ACSM2B: variants seen among roughly 807,000 people sequenced by gnomAD.
The protein encoded by ACSM2B is acyl-CoA synthetase medium chain family member 2B, also known as acyl-coenzyme A synthetase ACSM2B, mitochondrial.
In ACSM2B, 58 loss-of-function variants were observed where a neutral mutation model predicts 78.6. The observed-to-expected ratio is 0.74, with a 90% CI of 0.60 to 0.92. ACSM2B has a LOEUF of 0.92. Ranked by LOEUF, ACSM2B falls within the 40% of genes least tolerant of loss-of-function variation. The pLI is 0.00. For synonymous variants in ACSM2B, 257 were observed against 256.8 expected (o/e 1.00, Z -0.01); for missense variants, 688 against 711.2 (o/e 0.97, Z 0.37).
intron 1 of ACSM2B, among the ~76,000 whole-genome samples, chr16:20,566,095 T>C (rs1467823397): frequency 3.6e-5 from 5 of 139,118 alleles, no homozygotes; most frequent in South Asian, 2.2e-4. Flanking sequence ...ATGTATTATA[T>C]AGTATATATC....
rs1269337966 is a variant in ACSM2B, at chr16:20,553,798, A to G, written c.719T>C (p.Leu240Pro). ...MAEHSYSSLG[L>P]KAKMDAGWTG... ...TTACCCAGCATCCATCTTGGCCTTG[A>G]GGCCCAGGCTCGAGTAGGAATGTTC... Residue 240 changes from leucine (L) to proline (P), a missense_variant, in exon 5 of 14, where the codon CTC becomes CCC. Transcript: ENST00000329697. 1 of 1,610,974 alleles carries G rather than the reference A, an allele frequency of 6.2e-7. No individual in the cohort carries two copies. The highest frequency in any genetic ancestry group is 8.5e-7 in the Non-Finnish European group (1 of 1,177,804).
Position 20,548,384 on chromosome 16 carries a change from G to T in ACSM2B, c.974+10C>A. 1 of 1,613,588 alleles carries T rather than the reference G, an allele frequency of 6.2e-7. No homozygotes were observed. On this transcript the variant is annotated intron_variant, in intron 7 of 13. Transcript: ENST00000329697. ...CCAGACTCTCTTACCAATCCTCAAA[G>T]CCCCATCACCTGGAAAGATCCTGCT...
intron 13 of ACSM2B, among the ~76,000 whole-genome samples, chr16:20,538,785 T>A (rs1238348635): frequency 6.6e-6 from 1 of 152,086 alleles, no homozygotes; most frequent in Non-Finnish European, 1.5e-5. Flanking sequence ...AACGCAGAGG[T>A]TATCGAGTAA....
At chr16:20,570,499 C>T (rs915675927) in intron 1 of ACSM2B, among the ~76,000 whole-genome samples, 12 of 151,944 alleles carry the variant, frequency 7.9e-5, no homozygotes, top group Non-Finnish European at 1.5e-4. Context: ...CTATGTTCAT[C>T]AAGGATATTG....
intron 6 of ACSM2B, among the ~76,000 whole-genome samples, chr16:20,551,280 T>C (rs1443894067): frequency 2.6e-5 from 4 of 152,066 alleles, no homozygotes; most frequent in African/African-American, 9.7e-5. Context: ...GTGTCTGATA[T>C]GAATTGGATG....
intron 3 of ACSM2B, among the ~76,000 whole-genome samples, chr16:20,558,533 A>C (rs2015545042): frequency 6.6e-6 from 1 of 151,936 alleles, no homozygotes; most frequent in African/African-American, 2.4e-5. Context: ...ATCATCAGAT[A>C]ATTACATCTT....
At chr16:20,571,350 T>C (rs536767206) in intron 1 of ACSM2B, among the ~76,000 whole-genome samples, 1 of 152,150 alleles carries the variant, frequency 6.6e-6, no homozygotes, top group Non-Finnish European at 1.5e-5. Context: ...AGGAACAGGT[T>C]ATTTAATTTC....
intron 8 of ACSM2B, chr16:20,547,836 C>T (rs2015185451): frequency 8.6e-7 from 1 of 1,166,966 alleles, no homozygotes; most frequent in Middle Eastern, 3.2e-4. Context: ...AGTTTATTGT[C>T]TCTCTCCCCA....
At chr16:20,563,848 T>G (rs1346395247) in intron 2 of ACSM2B, among the ~76,000 whole-genome samples, 1 of 151,984 alleles carries the variant, frequency 6.6e-6, no homozygotes, top group Non-Finnish European at 1.5e-5. Flanking sequence ...CCAGAATGAA[T>G]CCTTCCATCC....
chr16:20,568,557 A>T (rs2016002064), intron 1 of ACSM2B, among the ~76,000 whole-genome samples: 2 of 151,410 alleles, frequency 1.3e-5, no homozygotes, highest in South Asian at 4.1e-4. Context: ...CTTTCGTATA[A>T]TGACTTATTT....
At chr16:20,570,697 G>A (rs1448703124) in intron 1 of ACSM2B, among the ~76,000 whole-genome samples, 1 of 151,010 alleles carries the variant, frequency 6.6e-6, no homozygotes, top group East Asian at 1.9e-4. Context: ...TGGCTTTTTT[G>A]TTGTCGTTGT....
chr16:20,545,251 T>A lies in ACSM2B; in HGVS notation c.1187A>T (p.Asp396Val). ...GGGGGGCAGGACGTTGCCCTTATCA[T>A]CTATAACCTGGAGAAAGAAGCATAT... Reference protein sequence around the residue: ...AASCYDVQVIDDKGNVLPPGT... With the variant: ...AASCYDVQVIVDKGNVLPPGT... The change falls in exon 10 of 14, where the codon GAT becomes GTT. Residue 396 changes from aspartate (D) to valine (V), a missense_variant. Asp to Val is a radical substitution (Grantham distance 152). Transcript: ENST00000329697. 1 of 1,613,184 alleles carries A rather than the reference T, an allele frequency of 6.2e-7. No individual in the cohort carries two copies. Among genetic ancestry groups the A allele is most frequent in the Non-Finnish European group, 8.5e-7 (1 of 1,179,424 alleles).
intron 7 of ACSM2B, 63 bp from the exon 8 acceptor site, chr16:20,548,248 G>A: frequency 6.2e-7 from 1 of 1,611,590 alleles, no homozygotes; most frequent in Non-Finnish European, 8.5e-7. Context: ...CTCAGGCCTA[G>A]ACTTGGTTTC....
intron 7 of ACSM2B, 43 bp from the exon 8 acceptor site, chr16:20,548,228 C>A (rs764694017): frequency 6.2e-7 from 1 of 1,613,410 alleles, no homozygotes; most frequent in Non-Finnish European, 8.5e-7. Context: ...CTCCCTGGAA[C>A]CAAAGTCCAC....
chr16:20,557,363 T>C (rs2015506273), intron 3 of ACSM2B, among the ~76,000 whole-genome samples: 2 of 152,062 alleles, frequency 1.3e-5, no homozygotes, highest in South Asian at 4.1e-4. Context: ...CTGACTTCTC[T>C]CTCTCTCCCT....
chr16:20,558,573 A>G (rs2015545901), intron 3 of ACSM2B, among the ~76,000 whole-genome samples: 1 of 151,964 alleles, frequency 6.6e-6, no homozygotes, highest in Admixed American at 6.6e-5. Flanking sequence ...GCTTGGCACA[A>G]GCCTCTCTAT....
rs755180335 is a variant in ACSM2B, at chr16:20,552,165, A to T, written c.873T>A (p.Phe291Leu). Residue 291 changes from phenylalanine to leucine, a missense_variant, in exon 6 of 14, where the codon TTT becomes TTA. Physicochemically the swap from Phe to Leu is conservative, Grantham distance 22 (BLOSUM62 0). Transcript: ENST00000329697. Reference sequence around the variant, plus strand: ...TTACCTTTAGAATAACCAGTGGGTCAAACTTTGGCAAGAGATGAACAAATG... The same window carrying T: ...TTACCTTTAGAATAACCAGTGGGTCTAACTTTGGCAAGAGATGAACAAATG... ...ACTFVHLLPK[F>L]DPLVILKTLS... The T allele has an allele frequency of 6.2e-7, 1 of 1,613,206 alleles. No homozygotes were observed. The highest frequency in any genetic ancestry group is 1.7e-5 in the Admixed American group (1 of 59,924).
chr16:20,567,167 T>C (rs1208722124), intron 1 of ACSM2B, among the ~76,000 whole-genome samples: 2 of 134,180 alleles, frequency 1.5e-5, no homozygotes, highest in South Asian at 2.1e-4. Flanking sequence ...GATTATATAT[T>C]ATATATAATA....
At chr16:20,561,844 C>G (rs1374526815) in intron 2 of ACSM2B, among the ~76,000 whole-genome samples, 1 of 147,562 alleles carries the variant, frequency 6.8e-6, no homozygotes, top group East Asian at 2.0e-4. Flanking sequence ...AGGTATATCG[C>G]CTAATGTTAT....
Sources: allele counts gnomAD v4.1 joint callset (sites outside exome capture counted in the v4.1 genomes callset), GRCh38; gene constraint gnomAD v4.1.1; transcripts MANE v1.5; gene names NCBI Gene and HGNC (gene_info 2026-07-23, HGNC 2026-07-21).